Variants in SH3GL2 observed in about 807,000 individuals in gnomAD.
SH3GL2 encodes the protein SH3 domain containing GRB2 like 2, endophilin A1.
SH3GL2 carries 24 observed loss-of-function variants against 46.0 expected under a neutral mutation model. That is an observed-to-expected ratio of 0.52 (90% CI 0.38 to 0.73). The LOEUF is 0.73. Among genes scored for constraint, SH3GL2 ranks in the 30% least tolerant of loss-of-function variants. The probability of loss-of-function intolerance (pLI) is 0.00; values close to 1 mark genes in which losing one functional copy is unlikely to be tolerated. For synonymous variants in SH3GL2, 196 were observed against 147.1 expected (o/e 1.33, Z -2.40); for missense variants, 413 against 424.2 (o/e 0.97, Z 0.23).
At chr9:17,784,749 G>A (rs1003942986) in intron 3 of SH3GL2, among the ~76,000 whole-genome samples, 1 of 152,124 alleles carries the variant, frequency 6.6e-6, no homozygotes, top group Admixed American at 6.6e-5. Flanking sequence ...ACAGGCTCTT[G>A]CTGTGTCACC....
chr9:17,634,809 G>T (rs1216678785), intron 1 of SH3GL2, among the ~76,000 whole-genome samples: 1 of 152,154 alleles, frequency 6.6e-6, no homozygotes, highest in Non-Finnish European at 1.5e-5. Context: ...GGGAATTACA[G>T]AACCACACAA....
intron 7 of SH3GL2, among the ~76,000 whole-genome samples, chr9:17,792,064 G>A (rs1453838571): frequency 3.9e-5 from 6 of 152,124 alleles, no homozygotes; most frequent in African/African-American, 1.4e-4. Context: ...ACCTCAAAGG[G>A]TCACCTCAGC....
chr9:17,646,544 T>G (rs1457026245), intron 1 of SH3GL2, among the ~76,000 whole-genome samples: 1 of 152,144 alleles, frequency 6.6e-6, no homozygotes, highest in Non-Finnish European at 1.5e-5. Flanking sequence ...GTCAGTGACC[T>G]TTGGATGGAA....
chr9:17,687,771 C>G (rs1032855704), intron 1 of SH3GL2, among the ~76,000 whole-genome samples: 1 of 151,874 alleles, frequency 6.6e-6, no homozygotes, highest in Admixed American at 6.6e-5. Context: ...CTTGTTAAAC[C>G]AGAGAGAAAC....
At position 17,731,260 on chromosome 9, in the gene SH3GL2, T is replaced by C. The variant is rs547670256; in HGVS notation, c.46-15806T>C. Among the ~76,000 whole-genome samples, 13 of 152,154 alleles carry C rather than the reference T, an allele frequency of 8.5e-5. No individual in the cohort carries two copies. In the South Asian group the frequency reaches 1.5e-3, roughly 17 times the overall value. ...CTGAATGTTTGTGTTCCCCCAAATA[T>C]ACGTTGAAGCCCTAACCCCTAATGT... On this transcript the variant is annotated intron_variant, in intron 1 of 8. Transcript: ENST00000380607.
At chr9:17,618,289 T>C (rs967569229) in intron 1 of SH3GL2, among the ~76,000 whole-genome samples, 4 of 152,164 alleles carry the variant, frequency 2.6e-5, no homozygotes, top group African/African-American at 9.7e-5. Flanking sequence ...TAAAGAATTA[T>C]CTAGTCCAAA....
At chr9:17,773,914 C>A (rs1261113589) in intron 3 of SH3GL2, among the ~76,000 whole-genome samples, 8 of 152,028 alleles carry the variant, frequency 5.3e-5, no homozygotes, top group Non-Finnish European at 8.8e-5. Context: ...AATATTAAGT[C>A]TTCGAGTTCA....
chr9:17,680,090 C>T (rs960501127), intron 1 of SH3GL2, among the ~76,000 whole-genome samples: 1 of 152,082 alleles, frequency 6.6e-6, no homozygotes, highest in African/African-American at 2.4e-5. Flanking sequence ...CTAAAATTCT[C>T]TTTTTTTGTT....
chr9:17,731,590 G>T (rs751548670), intron 1 of SH3GL2, among the ~76,000 whole-genome samples: 1 of 152,056 alleles, frequency 6.6e-6, no homozygotes, highest in African/African-American at 2.4e-5. Flanking sequence ...AACCATGTTG[G>T]CACTCTTATC....
At chr9:17,606,721 CTT>C (rs1818767272) in intron 1 of SH3GL2, among the ~76,000 whole-genome samples, 1 of 152,312 alleles carries the variant, frequency 6.6e-6, no homozygotes, top group African/African-American at 2.4e-5. Context: ...TTTTCTTTCT[CTT>C]TGCTAAATTA....
chr9:17,647,916 C>T (rs908395389), intron 1 of SH3GL2, among the ~76,000 whole-genome samples: 4 of 152,102 alleles, frequency 2.6e-5, no homozygotes, highest in African/African-American at 9.7e-5. Context: ...GCCAGTCCCC[C>T]CACCTTCCTC....
intron 2 of SH3GL2, among the ~76,000 whole-genome samples, chr9:17,758,498 G>A (rs112972824): frequency 0.011 from 1,610 of 143,098 alleles, 19 homozygotes; most frequent in Middle Eastern, 0.03. Context: ...GGAGGAGGAG[G>A]TTGCGGTGAG....
At chr9:17,662,350 G>A (rs900759533) in intron 1 of SH3GL2, among the ~76,000 whole-genome samples, 2 of 152,178 alleles carry the variant, frequency 1.3e-5, no homozygotes, top group Non-Finnish European at 2.9e-5. Context: ...ATGCAAAGAA[G>A]CTGTAGTGAG....
chr9:17,678,807 TATAAGGTGTAAG>T, intron 1 of SH3GL2, among the ~76,000 whole-genome samples: 1 of 152,194 alleles, frequency 6.6e-6, no homozygotes, highest in Non-Finnish European at 1.5e-5. Flanking sequence ...TTGATTTTTG[TATAAGGTGTAAG>T]GAAGGGATCT....
chr9:17,752,093 GTTGT>G (rs1438397753), intron 2 of SH3GL2, among the ~76,000 whole-genome samples: 2 of 152,150 alleles, frequency 1.3e-5, no homozygotes, highest in African/African-American at 4.8e-5. Flanking sequence ...TTTTTAACAC[GTTGT>G]TTGTCAGTTG....
At chr9:17,579,308 G>C (rs763297706) in intron 1 of SH3GL2, 21 bp downstream of exon 1, 1 of 1,539,088 alleles carries the variant, frequency 6.5e-7, no homozygotes, top group Non-Finnish European at 8.8e-7. Context: ...CGGCAGGTGC[G>C]TCCCGGGGCA....
At chr9:17,708,951 T>G (rs1415255482) in intron 1 of SH3GL2, among the ~76,000 whole-genome samples, 6 of 152,180 alleles carry the variant, frequency 3.9e-5, no homozygotes, top group African/African-American at 1.4e-4. Flanking sequence ...GTTATTACCT[T>G]TCATTCTGAG....
intron 1 of SH3GL2, 24 bp downstream of exon 1, chr9:17,579,311 C>T (rs1020299554): frequency 7.3e-6 from 11 of 1,505,784 alleles, no homozygotes; most frequent in Middle Eastern, 1.7e-4. Flanking sequence ...CAGGTGCGTC[C>T]CGGGGCAGTC....
chr9:17,738,617 CAT>C (rs1417181988), intron 1 of SH3GL2, among the ~76,000 whole-genome samples: 1 of 43,320 alleles, frequency 2.3e-5, no homozygotes, highest in Admixed American at 2.6e-4. Context: ...GGAATTGCCT[CAT>C]GTGATTTTAT....
Sources: gnomAD v4.1 joint callset for allele counts (sites outside exome capture counted in the v4.1 genomes callset) on GRCh38, gnomAD v4.1.1 for gene constraint, MANE v1.5 for transcripts, NCBI Gene and HGNC (gene_info 2026-07-23, HGNC 2026-07-21) for gene names.